HDAC8: variants seen among roughly 807,000 people sequenced by gnomAD.
The protein encoded by HDAC8 is histone deacetylase-like 1.
In HDAC8, 1 loss-of-function variant was observed where a neutral mutation model predicts 32.2. The ratio of observed to expected loss-of-function variants is 0.03; its 90% CI spans 0.01 to 0.15. The LOEUF is 0.15. HDAC8 is among the 10% of genes least tolerant of loss of function. HDAC8 has a pLI of 1.00. For synonymous variants in HDAC8, 108 were observed against 113.9 expected (o/e 0.95, Z 0.33); for missense variants, 117 against 300.0 (o/e 0.39, Z 4.51).
At chrX:72,367,996 G>A (rs1569245915) in intron 9 of HDAC8, among the ~76,000 whole-genome samples, 1 of 113,280 alleles carries the variant, frequency 8.8e-6, no homozygotes, top group Non-Finnish European at 1.9e-5. Context: ...ATAAGCTTTT[G>A]AGCTAAATTC....
chrX:72,510,661 G>T (rs1305049697), intron 4 of HDAC8, among the ~76,000 whole-genome samples: 1 of 110,881 alleles, frequency 9.0e-6, no homozygotes, highest in African/African-American at 3.3e-5. Context: ...TGGTGAGTGG[G>T]TCCGTGAAAA....
intron 4 of HDAC8, among the ~76,000 whole-genome samples, chrX:72,553,850 A>G (rs1161734478): frequency 4.4e-5 from 5 of 112,623 alleles, no homozygotes; most frequent in Non-Finnish European, 9.4e-5. Context: ...CTGCATATAA[A>G]TTAATCCCCA....
intron 3 of HDAC8, 141 bp downstream of exon 3, chrX:72,568,613 G>T: frequency 1.5e-6 from 1 of 686,237 alleles, no homozygotes; most frequent in Non-Finnish European, 2.2e-6. Flanking sequence ...TGCTTGTTTA[G>T]TGAGTTATAT....
At chrX:72,481,785 C>A (rs976290200) in intron 7 of HDAC8, among the ~76,000 whole-genome samples, 1 of 108,842 alleles carries the variant, frequency 9.2e-6, no homozygotes, top group Non-Finnish European at 1.9e-5. Flanking sequence ...AATTTTTGTA[C>A]TTTTAGTAGA....
intron 2 of HDAC8, among the ~76,000 whole-genome samples, chrX:72,571,526 T>A (rs1206306342): frequency 9.6e-6 from 1 of 104,557 alleles, no homozygotes; most frequent in African/African-American, 3.5e-5. Flanking sequence ...CTGTCCCAAG[T>A]TTTCTTTTCT....
At chrX:72,495,807 C>G (rs910269971) in intron 4 of HDAC8, among the ~76,000 whole-genome samples, 4 of 112,025 alleles carry the variant, frequency 3.6e-5, no homozygotes, top group Non-Finnish European at 5.6e-5. Flanking sequence ...TATACAAATG[C>G]ATAATCTCCT....
intron 9 of HDAC8, among the ~76,000 whole-genome samples, chrX:72,362,235 T>C (rs1300960074): frequency 6.3e-5 from 7 of 110,950 alleles, no homozygotes; most frequent in African/African-American, 2.3e-4. Context: ...GCTCTGAGAG[T>C]TCATGTCACA....
intron 7 of HDAC8, among the ~76,000 whole-genome samples, chrX:72,472,091 G>A (rs1555998082): frequency 1.9e-5 from 2 of 103,291 alleles, no homozygotes; most frequent in African/African-American, 3.5e-5. Flanking sequence ...TTTTTGAGAC[G>A]GAGTCTCGCT....
At chrX:72,487,353 CAG>C (rs2048709412) in intron 7 of HDAC8, among the ~76,000 whole-genome samples, 1 of 111,450 alleles carries the variant, frequency 9.0e-6, no homozygotes, top group African/African-American at 3.3e-5. Flanking sequence ...AGGGTAGAAA[CAG>C]ATATTTTTTC....
chrX:72,462,316 G>A, intron 8 of HDAC8: 2 of 336,612 alleles, frequency 5.9e-6, no homozygotes, highest in Non-Finnish European at 5.2e-6. Flanking sequence ...GGCAGTCCAA[G>A]GTCTGCAAAG....
chrX:72,560,545 A>G (rs1402021831), intron 4 of HDAC8, among the ~76,000 whole-genome samples: 1 of 94,387 alleles, frequency 1.1e-5, no homozygotes, highest in Non-Finnish European at 2.1e-5. Flanking sequence ...GAGAAACACC[A>G]AAGAATGATC....
intron 4 of HDAC8, among the ~76,000 whole-genome samples, chrX:72,556,943 G>A (rs916787678): frequency 2.7e-5 from 3 of 112,168 alleles, no homozygotes; most frequent in Admixed American, 9.4e-5. Context: ...CAGGCTGGGC[G>A]CGGTGGCTCA....
At chrX:72,455,089 C>T (rs1298776719) in intron 9 of HDAC8, among the ~76,000 whole-genome samples, 1 of 112,137 alleles carries the variant, frequency 8.9e-6, no homozygotes, top group African/African-American at 3.2e-5. Flanking sequence ...TGGTTGGCAA[C>T]AAACATGAGT....
chrX:72,473,256 C>A (rs782250986), intron 7 of HDAC8, among the ~76,000 whole-genome samples: 3 of 111,786 alleles, frequency 2.7e-5, no homozygotes, highest in African/African-American at 6.5e-5. Flanking sequence ...CATTGTTCAC[C>A]TCACTCACCT....
At chrX:72,544,844 A>C (rs2050811156) in intron 4 of HDAC8, among the ~76,000 whole-genome samples, 1 of 111,974 alleles carries the variant, frequency 8.9e-6, no homozygotes, top group Non-Finnish European at 1.9e-5. Context: ...AAAGAGTCTC[A>C]AGGCTAATAT....
intron 10 of HDAC8, among the ~76,000 whole-genome samples, chrX:72,337,288 T>A (rs1335348838): frequency 8.9e-6 from 1 of 112,290 alleles, no homozygotes; most frequent in Admixed American, 9.4e-5. Flanking sequence ...ACTAGTCACA[T>A]GTGGCTATTG....
intron 4 of HDAC8, among the ~76,000 whole-genome samples, chrX:72,527,081 A>G (rs987261386): frequency 8.9e-5 from 10 of 111,803 alleles, no homozygotes; most frequent in South Asian, 7.7e-4. Context: ...ACACTTTAGT[A>G]TGTTACACAA....
At chrX:72,440,571 T>C (rs2047099726) in intron 9 of HDAC8, among the ~76,000 whole-genome samples, 3 of 111,784 alleles carry the variant, frequency 2.7e-5, no homozygotes, top group Non-Finnish European at 5.7e-5. Context: ...AAAATAGATA[T>C]ACCGCTAGCA....
intron 4 of HDAC8, among the ~76,000 whole-genome samples, chrX:72,545,862 G>A (rs963306481): frequency 1.8e-5 from 2 of 111,824 alleles, no homozygotes; most frequent in Admixed American, 1.9e-4. Flanking sequence ...GGTTTCCCTT[G>A]GTGTTGAGGC....
Sources: allele counts gnomAD v4.1 joint callset (sites outside exome capture counted in the v4.1 genomes callset), GRCh38; gene constraint gnomAD v4.1.1; transcripts MANE v1.5; gene names NCBI Gene and HGNC (gene_info 2026-07-23, HGNC 2026-07-21).